RNPC3: variants seen among roughly 807,000 people sequenced by gnomAD.
The protein encoded by RNPC3 is RNA binding region (RNP1, RRM) containing 3.
RNPC3 carries 48 observed loss-of-function variants against 67.5 expected under a neutral mutation model. The ratio of observed to expected loss-of-function variants is 0.71; its 90% CI spans 0.56 to 0.90. RNPC3 has a LOEUF of 0.90. Among genes scored for constraint, RNPC3 ranks in the 40% least tolerant of loss-of-function variants. The pLI, the probability that RNPC3 is intolerant of heterozygous loss-of-function variation, is 0.00. For missense variants in RNPC3, 637 were observed against 626.1 expected, an observed-to-expected ratio of 1.02 and a Z score of -0.19; for synonymous variants, 239 against 210.3, an observed-to-expected ratio of 1.14 and a Z score of -1.18.
At chr1:103,537,843 A>ATTC (rs1195747765) in intron 7 of RNPC3, among the ~76,000 whole-genome samples, 9 of 151,712 alleles carry the variant, frequency 5.9e-5, no homozygotes, top group African/African-American at 2.2e-4. Context: ...ATTTATTATT[A>ATTC]TTATTATTAT....
chr1:103,527,374 T>C (rs1173672097), intron 1 of RNPC3, among the ~76,000 whole-genome samples: 1 of 152,250 alleles, frequency 6.6e-6, no homozygotes, highest in Non-Finnish European at 1.5e-5. Flanking sequence ...CTGTCATAAA[T>C]GAAGGAAATA....
chr1:103,550,351 G>T (rs778032165), intron 12 of RNPC3, among the ~76,000 whole-genome samples: 46 of 151,430 alleles, frequency 3.0e-4, no homozygotes, highest in Non-Finnish European at 5.0e-4. Flanking sequence ...TAAGAAGTTT[G>T]CAGCCAGTGC....
At chr1:103,551,148 C>T in intron 13 of RNPC3, 75 bp downstream of exon 13, 4 of 1,314,614 alleles carry the variant, frequency 3.0e-6, no homozygotes, top group East Asian at 2.6e-5. Flanking sequence ...TTTCATGTTA[C>T]CCTTTAGAAA....
At position 103,527,725 on chromosome 1, in the gene RNPC3, GA is replaced by G. The variant is rs1650753375; in HGVS notation, c.228del (p.Ala77GlnfsTer3). 5 of 1,548,268 alleles carry G rather than the reference GA, an allele frequency of 3.2e-6. No homozygotes were observed. In the South Asian group the frequency reaches 6.0e-5, roughly 18 times the overall value. ...KHTAFATFPN[E>X]KAAIKALTRL... ...TACAGCTTTTGCCACATTCCCTAATGAAAAAGCAGCTATAAAGGTATGACTT... is the reference window on the plus strand; with the variant it reads ...TACAGCTTTTGCCACATTCCCTAATGAAAAGCAGCTATAAAGGTATGACTT... On this transcript the variant is annotated frameshift_variant, in exon 2 of 15. Coordinates refer to ENST00000423855, the MANE Select transcript of RNPC3 (RefSeq NM_017619.4). LOFTEE classifies it high-confidence loss of function.
intron 3 of RNPC3, among the ~76,000 whole-genome samples, 167 bp downstream of exon 3, chr1:103,534,024 C>T (rs958542811): frequency 6.6e-6 from 1 of 151,882 alleles, no homozygotes; most frequent in Admixed American, 6.6e-5. Context: ...TTTATTTTTG[C>T]TGCTAATTGT....
intron 8 of RNPC3, 81 bp from the exon 9 acceptor site, chr1:103,543,215 A>C: frequency 9.2e-7 from 1 of 1,085,020 alleles, no homozygotes; most frequent in Non-Finnish European, 1.2e-6. Flanking sequence ...AACTTTTAAA[A>C]TTTAAAATAA....
intron 14 of RNPC3, chr1:103,552,064 G>A (rs566047793): frequency 8.5e-6 from 2 of 235,206 alleles, no homozygotes; most frequent in Non-Finnish European, 1.6e-5. Flanking sequence ...TAAAGCAATG[G>A]TTCTTAAACC....
chr1:103,526,001 G>C lies in RNPC3; in HGVS notation c.-70G>C. 1.6e-6 allele frequency: 2 copies of C among 1,239,350 alleles called. No individual in the cohort carries two copies. Among genetic ancestry groups the C allele is most frequent in the Non-Finnish European group, 1.1e-6 (1 of 900,930 alleles). The allele number at this position is 1,239,350 out of a possible 1,614,324, so 76.8% of individuals were successfully genotyped here. On this transcript the variant is annotated 5_prime_UTR_variant, in exon 1 of 15. Coordinates refer to ENST00000423855, the MANE Select transcript of RNPC3 (RefSeq NM_017619.4). ...CGAGGCGGAAAAAATATTTCTCCCA[G>C]CTTGTGTTGATGCCGCGATTTTGAC...
At position 103,527,687 on chromosome 1, in the gene RNPC3, T is replaced by C; in HGVS notation, c.193-8T>C. The C allele has an allele frequency of 1.9e-6, 3 of 1,545,452 alleles. No individual in the cohort carries two copies. The highest frequency in any genetic ancestry group is 1.2e-5 in the South Asian group (1 of 83,442). The stretch of plus-strand genomic sequence containing the variant: ...TTGGAAGTAATTTGTACCTTAACTC[T>C]GTTTCAGAAACATACAGCTTTTGCC... On this transcript the variant is annotated splice_polypyrimidine_tract_variant and splice_region_variant and intron_variant, in intron 1 of 14. Transcript: ENST00000423855.
Position 103,543,323 on chromosome 1 carries a change from A to G in RNPC3, c.921A>G (p.Ser307=), listed in dbSNP as rs1248785052. The G allele has an allele frequency of 2.0e-6, 3 of 1,497,520 alleles. No individual in the cohort carries two copies. The Admixed American group carries it at 6.8e-5, about 34-fold the overall frequency. The allele number at this position is 1,497,520 out of a possible 1,614,324, so 92.8% of individuals were successfully genotyped here. A position where few individuals can be genotyped will look rare whatever the true frequency, so the allele number is the denominator to read the frequency against. ...GTTTACATCCAGTGCTGTTACCTTC[A>G]GATGTATTTGACCAACCACAACCTG... The part of the protein sequence containing the change: ...HSSLHPVLLP[S]DVFDQPQPVG... Residue 307 remains serine, a synonymous_variant, in exon 9 of 15, where the codon TCA becomes TCG. Transcript: ENST00000423855.
Position 103,546,245 on chromosome 1 carries a change from A to T in RNPC3, c.1208-3A>T, listed in dbSNP as rs778488629. The stretch of plus-strand genomic sequence containing the variant: ...ATATCTTTGTTTTTTGTTTTTTAAT[A>T]AGAAATGGAAACACTTTCAGTTTTC... On this transcript the variant is annotated splice_polypyrimidine_tract_variant and splice_region_variant and intron_variant, in intron 10 of 14. Transcript: ENST00000423855. 31 of 1,299,852 alleles carry T rather than the reference A, an allele frequency of 2.4e-5. No homozygotes were observed. In the African/African-American group the frequency reaches 4.1e-4, roughly 17 times the overall value. The allele number at this position is 1,299,852 out of a possible 1,614,324, so 80.5% of individuals were successfully genotyped here.
chr1:103,527,850 C>G, intron 2 of RNPC3, 108 bp downstream of exon 2: 4 of 733,104 alleles, frequency 5.5e-6, no homozygotes, highest in Non-Finnish European at 9.0e-6. Flanking sequence ...GTTTGTATTC[C>G]AACAGTTTCC....
rs1651011206 is a variant in RNPC3 at position 103,537,359 on chromosome 1, A to G, written c.642A>G (p.Pro214=). ...ARPPMYEDYM[P]LHAPLPPTSP... is the part of the protein sequence containing the mutation. ...TTAATTAGTATGAAGACTATATGCCATTGCATGCACCTCTTCCACCCACAT... is the reference window on the plus strand; with the variant it reads ...TTAATTAGTATGAAGACTATATGCCGTTGCATGCACCTCTTCCACCCACAT... The change falls in exon 7 of 15, where the codon CCA becomes CCG. Residue 214 remains proline, a synonymous_variant. Transcript: ENST00000423855. 2 of 1,535,142 alleles carry G rather than the reference A, an allele frequency of 1.3e-6. No homozygotes were observed. The highest frequency in any genetic ancestry group is 1.7e-6 in the Non-Finnish European group (2 of 1,146,382).
Position 103,525,740 on chromosome 1 carries a change from C to G in RNPC3, c.-331C>G. The G allele has an allele frequency of 5.5e-6, 1 of 182,636 alleles. No individual in the cohort carries two copies. The highest frequency in any genetic ancestry group is 1.1e-5 in the Non-Finnish European group (1 of 86,994). 11.3% of individuals were successfully genotyped at this position (182,636 alleles called of 1,614,324 possible). A position where few individuals can be genotyped will look rare whatever the true frequency, so the allele number is the denominator to read the frequency against. ...TTGTCCTTGAGCGTCAACCTTCTTT[C>G]CCTGAAGTGGCTGGGGTTCCTGTTT... On this transcript the variant is annotated 5_prime_UTR_variant, in exon 1 of 15. Coordinates refer to ENST00000423855, the MANE Select transcript of RNPC3 (RefSeq NM_017619.4).
chr1:103,533,765 A>G lies in RNPC3; in HGVS notation c.267A>G (p.Lys89=). The change falls in exon 3 of 15, where the codon AAA becomes AAG. Residue 89 remains lysine, a synonymous_variant. Coordinates refer to ENST00000423855, the MANE Select transcript of RNPC3 (RefSeq NM_017619.4). The stretch of plus-strand genomic sequence containing the variant: ...CATTGACAAGACTCCATCAACTGAA[A>G]CTTTTAGGTCATACTTTAGTCGTTG... ...IKALTRLHQL[K]LLGHTLVVEF... The G allele has an allele frequency of 6.5e-7, 1 of 1,533,446 alleles. No individual in the cohort carries two copies. Among genetic ancestry groups the G allele is most frequent in the East Asian group, 2.4e-5 (1 of 40,842 alleles). The allele number at this position is 1,533,446 out of a possible 1,614,324, so 95.0% of individuals were successfully genotyped here. A position where few individuals can be genotyped will look rare whatever the true frequency, so the allele number is the denominator to read the frequency against.
chr1:103,543,508 T>C, intron 9 of RNPC3, 61 bp downstream of exon 9: 1 of 1,195,638 alleles, frequency 8.4e-7, no homozygotes, highest in South Asian at 1.9e-5. Context: ...AATTAAGTTT[T>C]ACATATAATG....
intron 14 of RNPC3, chr1:103,552,432 AAAATAAAAGTT>A (rs1480447602): frequency 2.5e-5 from 1 of 40,358 alleles, no homozygotes; most frequent in East Asian, 7.0e-4. Context: ...AGTAAATGTT[AAAATAAAAGTT>A]AAAAAAAAAA....
intron 1 of RNPC3, 112 bp downstream of exon 1, chr1:103,526,374 A>G (rs530184777): frequency 2.4e-6 from 2 of 820,828 alleles, no homozygotes; most frequent in African/African-American, 1.7e-5. Context: ...GACTTGTGTG[A>G]TGAGAGCTCC....
At chr1:103,551,102 CTA>C in intron 13 of RNPC3, 29 bp downstream of exon 13, 1 of 1,536,480 alleles carries the variant, frequency 6.5e-7, no homozygotes, top group Non-Finnish European at 8.8e-7. Flanking sequence ...TATTTCAAAA[CTA>C]TATAATTTTT....
Sources: gnomAD v4.1 joint callset for allele counts (sites outside exome capture counted in the v4.1 genomes callset) on GRCh38, gnomAD v4.1.1 for gene constraint, MANE v1.5 for transcripts, NCBI Gene and HGNC (gene_info 2026-07-23, HGNC 2026-07-21) for gene names.